Variants in CACNA2D4 observed in about 807,000 individuals in gnomAD.
The protein encoded by CACNA2D4 is calcium voltage-gated channel auxiliary subunit alpha2delta 4.
CACNA2D4 carries 157 observed loss-of-function variants against 163.8 expected under a neutral mutation model. The ratio of observed to expected loss-of-function variants is 0.96; its 90% confidence interval spans 0.84 to 1.09. The LOEUF (loss-of-function observed/expected upper bound fraction) is 1.09. Ranked by LOEUF, CACNA2D4 falls within the 50% of genes least tolerant of loss-of-function variation. CACNA2D4 has a pLI of 0.00. For missense variants in CACNA2D4, 1,410 were observed against 1,479.9 expected, an observed-to-expected ratio of 0.95 and a Z score of 0.78; for synonymous variants, 598 against 586.9, an observed-to-expected ratio of 1.02 and a Z score of -0.27.
intron 23 of CACNA2D4, among the ~76,000 whole-genome samples, chr12:1,852,462 G>A (rs896437073): frequency 6.6e-6 from 1 of 152,090 alleles, no homozygotes; most frequent in African/African-American, 2.4e-5. Flanking sequence ...TTGAGGCCAG[G>A]AGTTCAAGAC....
intron 25 of CACNA2D4, among the ~76,000 whole-genome samples, chr12:1,842,322 G>A (rs1277838120): frequency 6.6e-6 from 1 of 152,174 alleles, no homozygotes; most frequent in Non-Finnish European, 1.5e-5. Context: ...CACGTGGTCG[G>A]GACTTAGCCC....
intron 9 of CACNA2D4, 68 bp from the exon 10 acceptor site, chr12:1,885,144 G>A: frequency 4.4e-6 from 6 of 1,350,234 alleles, no homozygotes; most frequent in Non-Finnish European, 6.4e-6. Context: ...CATGTTTGGT[G>A]TTAATTTGGG....
At chr12:1,897,702 T>C (rs1267665166) in intron 6 of CACNA2D4, among the ~76,000 whole-genome samples, 1 of 152,148 alleles carries the variant, frequency 6.6e-6, no homozygotes, top group African/African-American at 2.4e-5. Flanking sequence ...GAGGAAAAAG[T>C]ATATATCAGG....
chr12:1,795,608 T>A, intron 36 of CACNA2D4, 60 bp downstream of exon 36: 1 of 1,233,012 alleles, frequency 8.1e-7, no homozygotes, highest in South Asian at 1.2e-5. Flanking sequence ...ATCTGAGCCC[T>A]ACAGACACCT....
At chr12:1,898,856 C>T (rs1866470519) in intron 6 of CACNA2D4, among the ~76,000 whole-genome samples, 1 of 152,120 alleles carries the variant, frequency 6.6e-6, no homozygotes, top group Non-Finnish European at 1.5e-5. Flanking sequence ...TATGTTTCTA[C>T]TTATATGTTG....
intron 23 of CACNA2D4, among the ~76,000 whole-genome samples, chr12:1,848,507 C>A (rs772107297): frequency 6.6e-5 from 10 of 152,110 alleles, no homozygotes; most frequent in Non-Finnish European, 1.3e-4. Context: ...TACATGCATT[C>A]TTTTATTTCT....
At chr12:1,845,870 C>T (rs913816999) in intron 24 of CACNA2D4, among the ~76,000 whole-genome samples, 1 of 152,236 alleles carries the variant, frequency 6.6e-6, no homozygotes, top group Admixed American at 6.5e-5. Context: ...TGGCCTCCAC[C>T]CACTAGGTGC....
At chr12:1,860,813 C>T (rs1442890275) in intron 18 of CACNA2D4, among the ~76,000 whole-genome samples, 1 of 152,204 alleles carries the variant, frequency 6.6e-6, no homozygotes, top group Non-Finnish European at 1.5e-5. Context: ...ATCTTTTAGC[C>T]TTGGTTTACT....
At chr12:1,853,807 C>T (rs1233255565) in intron 23 of CACNA2D4, 144 bp downstream of exon 23, 1 of 628,052 alleles carries the variant, frequency 1.6e-6, no homozygotes, top group South Asian at 1.9e-5. Flanking sequence ...TAGTCCAGTG[C>T]CCAGGGGGAC....
intron 20 of CACNA2D4, among the ~76,000 whole-genome samples, chr12:1,857,784 C>T (rs535788410): frequency 6.6e-6 from 1 of 152,166 alleles, no homozygotes; most frequent in East Asian, 1.9e-4. Context: ...TGAATTGTGT[C>T]CCTCAAAAGA....
intron 26 of CACNA2D4, among the ~76,000 whole-genome samples, chr12:1,839,242 C>T (rs1033437433): frequency 6.6e-6 from 1 of 152,232 alleles, no homozygotes; most frequent in African/African-American, 2.4e-5. Flanking sequence ...CTGCCAGCTG[C>T]GTTCACGGAG....
chr12:1,908,069 GC>G (rs1205645723), intron 4 of CACNA2D4, 32 bp from the exon 5 acceptor site: 1 of 1,589,314 alleles, frequency 6.3e-7, no homozygotes, highest in Non-Finnish European at 8.6e-7. Flanking sequence ...CACGGAGGCG[GC>G]CCGAGCACCG....
rs118015560 is a variant in CACNA2D4, at chr12:1,844,378, C to T, written c.2470+24G>A. 96 of 1,611,408 alleles carry T rather than the reference C, an allele frequency of 6.0e-5. No individual in the cohort carries two copies. Among genetic ancestry groups the T allele is most frequent in the South Asian group, 5.8e-4 (53 of 90,648 alleles). ...GACTGGCCTGAGACTGGCCCAGCCC[C>T]GGGAGCACCGGGCTGTGTGTTACCT... On this transcript the variant is annotated intron_variant, in intron 25 of 37. Coordinates refer to ENST00000382722, the MANE Select transcript of CACNA2D4 (RefSeq NM_172364.5). The surrounding 1 kb of genome is among the most constrained non-coding windows in gnomAD (Gnocchi z 4.2).
At chr12:1,821,881 G>C (rs1864118736) in intron 26 of CACNA2D4, among the ~76,000 whole-genome samples, 1 of 152,096 alleles carries the variant, frequency 6.6e-6, no homozygotes. Context: ...GCACCCGGCT[G>C]TCAGGGCTAC....
intron 35 of CACNA2D4, among the ~76,000 whole-genome samples, chr12:1,796,223 C>A (rs1416464098): frequency 6.6e-6 from 1 of 152,186 alleles, no homozygotes; most frequent in African/African-American, 2.4e-5. Flanking sequence ...TCGGCGAGGC[C>A]GCCCTGCGAG....
intron 26 of CACNA2D4, among the ~76,000 whole-genome samples, chr12:1,837,156 C>T (rs992544887): frequency 2.0e-5 from 3 of 152,206 alleles, no homozygotes; most frequent in Non-Finnish European, 2.9e-5. Context: ...TGACATGAAT[C>T]GGCCCTGGCA....
rs773004518 is a variant in CACNA2D4 at position 1,853,991 on chromosome 12, T to A, written c.2206A>T (p.Met736Leu). 2 of 1,612,894 alleles carry A rather than the reference T, an allele frequency of 1.2e-6. No homozygotes were observed. The highest frequency in any genetic ancestry group is 1.7e-6 in the Non-Finnish European group (2 of 1,179,438). ...GCCAGCGCTGTCCAGTAGGCTTCCA[T>A]GGGGGCTGTCACCACCGCGTCAAAC... is the stretch of plus-strand genomic sequence containing the variant. ...VLFDAVVTAP[M>L]EAYWTALALN... The change falls in exon 23 of 38, where the codon ATG becomes TTG. Residue 736 changes from methionine (M) to leucine (L), a missense_variant. By Grantham distance (15) the Met-to-Leu change is conservative. Transcript: ENST00000382722.
intron 23 of CACNA2D4, among the ~76,000 whole-genome samples, chr12:1,849,419 A>G (rs998568146): frequency 1.3e-5 from 2 of 152,196 alleles, no homozygotes; most frequent in African/African-American, 4.8e-5. Context: ...TAGCAATGTG[A>G]TTACTGAGGA....
In CACNA2D4 at chr12:1,886,271, GGT is replaced by G; in HGVS notation, c.943_944del (p.Thr315HisfsTer10). The G allele has an allele frequency of 6.2e-7, 1 of 1,613,622 alleles. No individual in the cohort carries two copies. Among genetic ancestry groups the G allele is most frequent in the Non-Finnish European group, 8.5e-7 (1 of 1,179,556 alleles). Reference sequence around the variant, plus strand: ...TCTCCCCCAGGGTGTCCAAGATGGTGGTGATGGTGTGCTTGGCAATAGTCATC... The same window carrying G: ...TCTCCCCCAGGGTGTCCAAGATGGTGGATGGTGTGCTTGGCAATAGTCATC... The part of the protein sequence containing the change: ...LRMTIAKHTI[T>X]TILDTLGEND... On this transcript the variant is annotated frameshift_variant, in exon 8 of 38. Transcript: ENST00000382722. LOFTEE classifies it high-confidence loss of function.
Sources: allele counts gnomAD v4.1 joint callset (sites outside exome capture counted in the v4.1 genomes callset), GRCh38; gene constraint gnomAD v4.1.1; non-coding constraint Gnocchi (gnomAD v3.1); transcripts MANE v1.5; gene names NCBI Gene and HGNC (gene_info 2026-07-23, HGNC 2026-07-21).